Variants in DAB1 observed in about 807,000 individuals in gnomAD.
The protein encoded by DAB1 is disabled homolog 1.
A neutral mutation model predicts 64.6 loss-of-function variants in DAB1; 15 were observed. The observed-to-expected ratio is 0.23, with a 90% CI of 0.16 to 0.36. The LOEUF (loss-of-function observed/expected upper bound fraction) is 0.36, where lower values mean the gene tolerates loss of function less well. DAB1 is among the 10% of genes least tolerant of loss of function. The probability of loss-of-function intolerance (pLI) is 1.00; values close to 1 mark genes in which losing one functional copy is unlikely to be tolerated. For synonymous variants in DAB1, 235 were observed against 251.9 expected (o/e 0.93, Z 0.64); for missense variants, 596 against 706.7 (o/e 0.84, Z 1.78).
intron 2 of DAB1, among the ~76,000 whole-genome samples, chr1:57,173,975 T>C (rs752566345): frequency 6.6e-6 from 1 of 152,202 alleles, no homozygotes; most frequent in Non-Finnish European, 1.5e-5. Context: ...TCACTGCCCT[T>C]ATGAAGTCCC....
chr1:58,102,018 A>G (rs1408579682), intron 5 of DAB1, among the ~76,000 whole-genome samples: 1 of 152,240 alleles, frequency 6.6e-6, no homozygotes, highest in African/African-American at 2.4e-5. Flanking sequence ...AGTAGCAGGT[A>G]TTAACTCGGT....
intron 1 of DAB1, among the ~76,000 whole-genome samples, chr1:58,545,076 G>C (rs1557462596): frequency 6.6e-6 from 1 of 151,994 alleles, no homozygotes; most frequent in South Asian, 2.1e-4. Context: ...CCTTCATATG[G>C]CGAACCAGGC....
intron 3 of DAB1, among the ~76,000 whole-genome samples, chr1:58,430,166 G>A (rs1644857014): frequency 6.6e-6 from 1 of 152,206 alleles, no homozygotes; most frequent in Non-Finnish European, 1.5e-5. Context: ...TTCAACATAT[G>A]AATTTGGGTG....
chr1:58,427,697 G>A (rs536193197), intron 3 of DAB1, among the ~76,000 whole-genome samples: 139 of 152,244 alleles, frequency 9.1e-4, no homozygotes, highest in African/African-American at 3.1e-3. Context: ...GGAGGTCTTC[G>A]GTGCCAGGAA....
chr1:57,886,936 G>C (rs1292589069), upstream of DAB1, among the ~76,000 whole-genome samples: 2 of 152,226 alleles, frequency 1.3e-5, no homozygotes, highest in Non-Finnish European at 2.9e-5. Flanking sequence ...TTGGCAAATG[G>C]TAAGTTTGGA....
chr1:57,818,970 G>T (rs1383850290), intron 6 of DAB1, among the ~76,000 whole-genome samples: 1 of 152,118 alleles, frequency 6.6e-6, no homozygotes, highest in Non-Finnish European at 1.5e-5. Context: ...CTAACAGAAA[G>T]ATAGCAACTT....
chr1:57,254,866 C>T (rs1314841920), intron 2 of DAB1, among the ~76,000 whole-genome samples: 2 of 152,076 alleles, frequency 1.3e-5, no homozygotes, highest in Non-Finnish European at 2.9e-5. Flanking sequence ...CACATACACA[C>T]ACACACACAA....
At chr1:57,319,396 C>G (rs962084998) in intron 1 of DAB1, among the ~76,000 whole-genome samples, 5 of 152,066 alleles carry the variant, frequency 3.3e-5, no homozygotes, top group Non-Finnish European at 7.4e-5. Flanking sequence ...TTTCTATACA[C>G]ATATTTGGAA....
chr1:57,033,949 C>A (rs1647045261), intron 9 of DAB1, among the ~76,000 whole-genome samples: 1 of 151,900 alleles, frequency 6.6e-6, no homozygotes, highest in Non-Finnish European at 1.5e-5. Context: ...CAGCTGGTTT[C>A]CATGTGTTTT....
At chr1:57,257,080 T>C (rs197642) in intron 2 of DAB1, among the ~76,000 whole-genome samples, 100,085 of 152,132 alleles carry the variant, frequency 0.66, 33,117 homozygotes, top group East Asian at 0.85. Context: ...ATCAAGAGTC[T>C]TCAGGATGAC....
chr1:57,804,588 C>T (rs1350563445), intron 6 of DAB1, among the ~76,000 whole-genome samples: 2 of 152,212 alleles, frequency 1.3e-5, no homozygotes, highest in Non-Finnish European at 2.9e-5. Context: ...TCCTCCTAAG[C>T]TGCACCCTTA....
intron 3 of DAB1, among the ~76,000 whole-genome samples, chr1:58,371,699 C>G (rs987450069): frequency 3.9e-5 from 6 of 152,250 alleles, no homozygotes; most frequent in Admixed American, 6.5e-5. Flanking sequence ...GGCCCAGGAC[C>G]CCCCTGCTCT....
rs1370636820 is a variant in DAB1, at chr1:58,538,398, T to C, written n.32+8305A>G. 2.6e-5 allele frequency among the ~76,000 whole-genome samples: 4 copies of C among 152,274 alleles called. No individual in the cohort carries two copies. In the East Asian group the frequency reaches 7.7e-4, roughly 29 times the overall value. ...GATTTGCTGCCTTAAATTCCACAAA[T>C]TAAAAAGAAATGTTTGTAAGTACTC... On this transcript the variant is annotated intron_variant and non_coding_transcript_variant, in intron 1 of 20. Transcript: ENST00000485760.
chr1:58,432,375 GA>G (rs1052116265), intron 3 of DAB1, among the ~76,000 whole-genome samples: 17 of 152,044 alleles, frequency 1.1e-4, no homozygotes, highest in Admixed American at 4.6e-4. Flanking sequence ...CAAAATCAAA[GA>G]AAAAAAATTT....
chr1:57,991,222 T>C (rs2100374882), intron 5 of DAB1, among the ~76,000 whole-genome samples: 1 of 152,320 alleles, frequency 6.6e-6, no homozygotes, highest in Middle Eastern at 3.4e-3. Context: ...AGGCTATTAA[T>C]AAAACATTAC....
At chr1:57,044,170 C>G (rs781348442) in intron 9 of DAB1, among the ~76,000 whole-genome samples, 1 of 152,220 alleles carries the variant, frequency 6.6e-6, no homozygotes, top group Non-Finnish European at 1.5e-5. Flanking sequence ...AGCCCCAGCT[C>G]TTGTTCATTG....
chr1:57,396,810 C>T lies in DAB1; in HGVS notation c.-137+27120G>A, dbSNP rs568114420. On this transcript the variant is annotated intron_variant, in intron 1 of 14. Coordinates refer to ENST00000371236, the MANE Select transcript of DAB1 (RefSeq NM_001365792.1). Reference sequence around the variant, plus strand: ...ATAAGAACTTGTTAGTAAGTCCAGGCCTCAGCTCCTCTAGGGAAGCTGAAC... The same window carrying T: ...ATAAGAACTTGTTAGTAAGTCCAGGTCTCAGCTCCTCTAGGGAAGCTGAAC... Among the ~76,000 whole-genome samples the T allele has an allele frequency of 9.2e-5, 14 of 152,258 alleles. No individual in the cohort carries two copies. The East Asian group carries it at 1.9e-3, about 21-fold the overall frequency.
At chr1:58,151,899 G>C (rs1016075794) in intron 4 of DAB1, among the ~76,000 whole-genome samples, 5 of 152,210 alleles carry the variant, frequency 3.3e-5, no homozygotes, top group East Asian at 1.9e-4. Flanking sequence ...AACCAACTCT[G>C]TGGGGAAGGA....
intron 1 of DAB1, among the ~76,000 whole-genome samples, chr1:57,870,857 A>G (rs1477314488): frequency 6.6e-6 from 1 of 152,170 alleles, no homozygotes; most frequent in African/African-American, 2.4e-5. Flanking sequence ...CCAAGTCTCA[A>G]TTTTCTCATC....
Sources: gnomAD v4.1 joint callset for allele counts (sites outside exome capture counted in the v4.1 genomes callset) on GRCh38, gnomAD v4.1.1 for gene constraint, MANE v1.5 for transcripts, NCBI Gene and HGNC (gene_info 2026-07-23, HGNC 2026-07-21) for gene names.